KDM4C: variants seen among roughly 807,000 people sequenced by gnomAD.
KDM4C encodes the protein lysine demethylase 4C.
A neutral mutation model predicts 129.3 loss-of-function variants in KDM4C; 81 were observed. That is an observed-to-expected ratio of 0.63 (90% CI 0.52 to 0.75). The LOEUF (loss-of-function observed/expected upper bound fraction) is 0.75, where lower values mean the gene tolerates loss of function less well. Ranked by LOEUF, KDM4C falls within the 30% of genes least tolerant of loss-of-function variation. The probability of loss-of-function intolerance (pLI) is 0.00; values close to 1 mark genes in which losing one functional copy is unlikely to be tolerated. For synonymous variants in KDM4C, 573 were observed against 456.1 expected (o/e 1.26, Z -3.26); for missense variants, 1,457 against 1,304.0 (o/e 1.12, Z -1.81).
intron 4 of KDM4C, among the ~76,000 whole-genome samples, chr9:6,821,339 A>G (rs1402741653): frequency 6.6e-6 from 1 of 152,214 alleles, no homozygotes. Context: ...TCCCACCAAC[A>G]GTGTAAAAGC....
chr9:6,839,185 C>T (rs1025838423), intron 4 of KDM4C, among the ~76,000 whole-genome samples: 7 of 152,118 alleles, frequency 4.6e-5, no homozygotes, highest in Middle Eastern at 3.4e-3. Flanking sequence ...GGATAAGAGT[C>T]CTAAAACGGG....
intron 4 of KDM4C, among the ~76,000 whole-genome samples, chr9:6,817,208 C>CCCCCTCT (rs1261786775): frequency 1.1e-5 from 1 of 94,952 alleles, no homozygotes; most frequent in African/African-American, 3.8e-5. Context: ...CCCCCCCCCA[C>CCCCCTCT]TTTTTTTTTT....
chr9:7,003,764 C>G (rs1474846988), intron 12 of KDM4C, among the ~76,000 whole-genome samples: 1 of 151,990 alleles, frequency 6.6e-6, no homozygotes, highest in Non-Finnish European at 1.5e-5. Flanking sequence ...TACTTTTGAA[C>G]ACAGCTTTAT....
chr9:7,138,409 C>A (rs1462962395), intron 19 of KDM4C, among the ~76,000 whole-genome samples: 1 of 152,186 alleles, frequency 6.6e-6, no homozygotes, highest in East Asian at 1.9e-4. Context: ...TGTTTAATTT[C>A]TTCTAAAGGT....
At position 6,984,274 on chromosome 9, in the gene KDM4C, T is replaced by A; in HGVS notation, c.1224T>A (p.Asp408Glu). The A allele has an allele frequency of 6.2e-7, 1 of 1,613,984 alleles. No homozygotes were observed. The highest frequency in any genetic ancestry group is 8.5e-7 in the Non-Finnish European group (1 of 1,179,894). ...TCCCTAACCCCGACTCAGTCACAGA[T>A]GACCTCAAGGTCAGTGAAAAGTCAG... Reference protein sequence around the residue: ...AEVPNPDSVTDDLKVSEKSEA... With the variant: ...AEVPNPDSVTEDLKVSEKSEA... The change falls in exon 10 of 22, where the codon GAT becomes GAA. Residue 408 changes from aspartate to glutamate, a missense_variant. Asp to Glu is a conservative substitution (Grantham distance 45). Coordinates refer to ENST00000381309, the MANE Select transcript of KDM4C (RefSeq NM_015061.6).
chr9:7,036,656 T>C (rs377015351), intron 15 of KDM4C, among the ~76,000 whole-genome samples: 2 of 152,308 alleles, frequency 1.3e-5, no homozygotes, highest in South Asian at 4.1e-4. Context: ...AAAAACTAAA[T>C]TTCTGTAATG....
At chr9:6,984,117 A>G in intron 9 of KDM4C, 49 bp from the exon 10 acceptor site, 2 of 1,167,142 alleles carry the variant, frequency 1.7e-6, no homozygotes, top group South Asian at 1.3e-5. Flanking sequence ...TGTGTTTTTC[A>G]TATCCATTGC....
intron 18 of KDM4C, among the ~76,000 whole-genome samples, chr9:7,127,619 T>C (rs73639818): frequency 5.3e-5 from 8 of 152,282 alleles, no homozygotes; most frequent in African/African-American, 1.9e-4. Context: ...TAGACTGGAT[T>C]CTGTGCTTGG....
At chr9:6,826,854 G>A (rs1376312326) in intron 4 of KDM4C, among the ~76,000 whole-genome samples, 1 of 147,618 alleles carries the variant, frequency 6.8e-6, no homozygotes, top group African/African-American at 2.6e-5. Flanking sequence ...GCGACAGAGT[G>A]AAACTCCATC....
At chr9:6,803,570 CA>C (rs112938373) in intron 2 of KDM4C, among the ~76,000 whole-genome samples, 15,364 of 100,398 alleles carry the variant, frequency 0.15, 879 homozygotes, top group African/African-American at 0.19. Context: ...AACTCGGTCT[CA>C]AAAAAAAAAA....
At chr9:7,043,508 G>A (rs1017424152) in intron 15 of KDM4C, among the ~76,000 whole-genome samples, 1 of 152,002 alleles carries the variant, frequency 6.6e-6, no homozygotes, top group Admixed American at 6.6e-5. Context: ...GTTAAAAATT[G>A]TCTTATCTGT....
intron 18 of KDM4C, among the ~76,000 whole-genome samples, chr9:7,104,744 G>A (rs1318900449): frequency 6.6e-6 from 1 of 152,196 alleles, no homozygotes; most frequent in African/African-American, 2.4e-5. Context: ...TGTTTTCCCT[G>A]AGAGACTTGG....
At chr9:6,887,450 T>G (rs530273661) in intron 6 of KDM4C, among the ~76,000 whole-genome samples, 2 of 152,302 alleles carry the variant, frequency 1.3e-5, no homozygotes, top group South Asian at 4.2e-4. Context: ...TTCAGGAGAT[T>G]AGTAGCAATT....
chr9:6,911,476 C>T (rs1288278864), intron 8 of KDM4C, among the ~76,000 whole-genome samples: 2 of 152,098 alleles, frequency 1.3e-5, no homozygotes, highest in East Asian at 3.8e-4. Flanking sequence ...AATTACATAT[C>T]CCGATTAAGA....
At chr9:6,837,334 G>A (rs1836065003) in intron 4 of KDM4C, among the ~76,000 whole-genome samples, 1 of 152,206 alleles carries the variant, frequency 6.6e-6, no homozygotes, top group South Asian at 2.1e-4. Flanking sequence ...TACGATTACA[G>A]GCGTGTGCTA....
chr9:7,172,091 G>T (rs1845023986), intron 21 of KDM4C, among the ~76,000 whole-genome samples: 1 of 152,044 alleles, frequency 6.6e-6, no homozygotes, highest in Non-Finnish European at 1.5e-5. Flanking sequence ...TTTTTTTCCA[G>T]TTGGCAAAAC....
intron 15 of KDM4C, among the ~76,000 whole-genome samples, chr9:7,046,160 A>G (rs1829358505): frequency 6.6e-6 from 1 of 151,964 alleles, no homozygotes; most frequent in East Asian, 1.9e-4. Flanking sequence ...AATAAAATCT[A>G]TATTTGTAGC....
intron 3 of KDM4C, among the ~76,000 whole-genome samples, chr9:6,811,672 A>C (rs531186181): frequency 6.6e-6 from 1 of 152,300 alleles, no homozygotes; most frequent in South Asian, 2.1e-4. Flanking sequence ...TAATTATCTG[A>C]TGGAGCCCTC....
chr9:7,073,619 T>G (rs1448344596), intron 17 of KDM4C, among the ~76,000 whole-genome samples: 2 of 152,246 alleles, frequency 1.3e-5, no homozygotes, highest in African/African-American at 4.8e-5. Context: ...TTTGTTTGTT[T>G]TACTTTTCAT....
Sources: gnomAD v4.1 joint callset for allele counts (sites outside exome capture counted in the v4.1 genomes callset) on GRCh38, gnomAD v4.1.1 for gene constraint, MANE v1.5 for transcripts, NCBI Gene and HGNC (gene_info 2026-07-23, HGNC 2026-07-21) for gene names.